RIMBP2: variants seen among roughly 807,000 people sequenced by gnomAD.
RIMBP2 encodes the protein RIMS-binding protein 2.
In RIMBP2, 48 loss-of-function variants were observed where a neutral mutation model predicts 118.6. The ratio of observed to expected loss-of-function variants is 0.40; its 90% confidence interval spans 0.32 to 0.51. RIMBP2 has a LOEUF of 0.51. RIMBP2 is among the 20% of genes least tolerant of loss of function. The pLI is 0.41. For missense variants in RIMBP2, 1,551 were observed against 1,768.3 expected, an observed-to-expected ratio of 0.88 and a Z score of 2.20; for synonymous variants, 762 against 742.9, an observed-to-expected ratio of 1.03 and a Z score of -0.42.
intron 4 of RIMBP2, among the ~76,000 whole-genome samples, chr12:130,495,787 T>C (rs552558394): frequency 9.2e-5 from 14 of 152,342 alleles, no homozygotes; most frequent in Admixed American, 6.5e-4. Context: ...GGGCACATTC[T>C]ATGCTTTGAA....
intron 4 of RIMBP2, among the ~76,000 whole-genome samples, chr12:130,497,470 C>G (rs1315625517): frequency 2.6e-5 from 4 of 152,302 alleles, no homozygotes; most frequent in Admixed American, 6.5e-5. Flanking sequence ...ATAAAAGCAG[C>G]TGTCGCTCTA....
intron 2 of RIMBP2, among the ~76,000 whole-genome samples, chr12:130,564,461 A>G (rs1333308855): frequency 1.3e-5 from 2 of 152,242 alleles, no homozygotes; most frequent in African/African-American, 4.8e-5. Flanking sequence ...GCCAGCAACA[A>G]TGGTATAACA....
chr12:130,404,516 T>C (rs1451579445), intron 21 of RIMBP2, among the ~76,000 whole-genome samples: 1 of 152,154 alleles, frequency 6.6e-6, no homozygotes, highest in Non-Finnish European at 1.5e-5. Context: ...GCCAGGCTGA[T>C]ATCGAATGCC....
chr12:130,482,090 G>A (rs545881044), intron 4 of RIMBP2, among the ~76,000 whole-genome samples: 1 of 152,120 alleles, frequency 6.6e-6, no homozygotes, highest in African/African-American at 2.4e-5. Flanking sequence ...CTCCTGAGAC[G>A]CTTTGGGAAC....
chr12:130,422,314 G>A lies in RIMBP2; in HGVS notation c.3238+139C>T, dbSNP rs2076466402. The stretch of plus-strand genomic sequence containing the variant: ...CTTTCATTTATCTTGTGCTGTTCCT[G>A]CCTTCTTTTTGCCATGAATAACAGT... On this transcript the variant is annotated intron_variant, in intron 17 of 22. Transcript: ENST00000690449. The surrounding 1 kb of genome is among the most constrained non-coding windows in gnomAD (Gnocchi z 5.2). The A allele has an allele frequency of 3.6e-6, 2 of 560,320 alleles. No individual in the cohort carries two copies. Among genetic ancestry groups the A allele is most frequent in the South Asian group, 2.7e-5 (1 of 36,502 alleles). The allele number at this position is 560,320 out of a possible 1,614,324, so 34.7% of individuals were successfully genotyped here.
intron 5 of RIMBP2, 40 bp downstream of exon 5, chr12:130,478,872 T>C: frequency 6.6e-7 from 1 of 1,507,336 alleles, no homozygotes; most frequent in Non-Finnish European, 9.2e-7. Flanking sequence ...ACCCGTGGAC[T>C]CCCTGCCTCG....
intron 2 of RIMBP2, among the ~76,000 whole-genome samples, chr12:130,531,881 A>G (rs1050130580): frequency 2.6e-5 from 4 of 151,516 alleles, no homozygotes; most frequent in African/African-American, 7.3e-5. Context: ...AGTTACGTCT[A>G]ATGAGATGCG....
At chr12:130,510,120 C>T (rs1167747893) in intron 3 of RIMBP2, among the ~76,000 whole-genome samples, 2 of 152,224 alleles carry the variant, frequency 1.3e-5, no homozygotes, top group South Asian at 2.1e-4. Context: ...GACAGGCTGC[C>T]GTTCCAGTGT....
At chr12:130,439,481 G>C (rs1322761323) in intron 11 of RIMBP2, among the ~76,000 whole-genome samples, 1 of 149,032 alleles carries the variant, frequency 6.7e-6, no homozygotes, top group Non-Finnish European at 1.5e-5. Context: ...TTGTGTATGT[G>C]TGTGTATGTG....
intron 6 of RIMBP2, among the ~76,000 whole-genome samples, chr12:130,467,672 G>C (rs2080612200): frequency 1.3e-5 from 2 of 152,204 alleles, no homozygotes; most frequent in African/African-American, 4.8e-5. Flanking sequence ...AACGGGCAAG[G>C]TGAACCCACT....
rs906446306 is a variant in RIMBP2, at chr12:130,620,704, C to T, written c.-217+7618G>A. On this transcript the variant is annotated intron_variant, in intron 2 of 22. Coordinates refer to ENST00000690449, the MANE Select transcript of RIMBP2 (RefSeq NM_001393629.1). The surrounding 1 kb of genome is among the most constrained non-coding windows in gnomAD (Gnocchi z 5.3). ...CCTGCCAATGTTCTCTGCATCCAATCCCCCTCTCTGTAAGGACACCAGTCA... is the reference window on the plus strand; with the variant it reads ...CCTGCCAATGTTCTCTGCATCCAATTCCCCTCTCTGTAAGGACACCAGTCA... Among the ~76,000 whole-genome samples, 1 of 152,186 alleles carries T rather than the reference C, an allele frequency of 6.6e-6. No homozygotes were observed. The highest frequency in any genetic ancestry group is 6.5e-5 in the Admixed American group (1 of 15,278).
chr12:130,608,807 C>T (rs1271667854), intron 2 of RIMBP2, among the ~76,000 whole-genome samples: 1 of 151,746 alleles, frequency 6.6e-6, no homozygotes, highest in Non-Finnish European at 1.5e-5. Flanking sequence ...AACTTAATAC[C>T]CACTCTCTTA....
At position 130,447,624 on chromosome 12, in the gene RIMBP2, C is replaced by G. The variant is rs924900657; in HGVS notation, c.582-2355G>C. Among the ~76,000 whole-genome samples the G allele has an allele frequency of 6.6e-6, 1 of 152,166 alleles. No individual in the cohort carries two copies. Among genetic ancestry groups the G allele is most frequent in the African/African-American group, 2.4e-5 (1 of 41,428 alleles). Reference sequence around the variant, plus strand: ...CATGTGGCCGTGGCATCTGTGAGCACAGCAGTGGCCCTGGGCGGCACACTG... The same window carrying G: ...CATGTGGCCGTGGCATCTGTGAGCAGAGCAGTGGCCCTGGGCGGCACACTG... On this transcript the variant is annotated intron_variant, in intron 9 of 22. Transcript: ENST00000690449. The surrounding 1 kb of genome is among the most constrained non-coding windows in gnomAD (Gnocchi z 4.4).
In RIMBP2 at chr12:130,431,942, C is replaced by G. The variant is rs562633147; in HGVS notation, c.2253+2792G>C. The G allele has an allele frequency of 3.3e-4, 56 of 167,702 alleles. 1 individual carries two copies. In the South Asian group the frequency reaches 7.7e-3, roughly 23 times the overall value. 10.4% of individuals were successfully genotyped at this position (167,702 alleles called of 1,614,324 possible). A position where few individuals can be genotyped will look rare whatever the true frequency, so the allele number is the denominator to read the frequency against. On this transcript the variant is annotated intron_variant, in intron 14 of 22. Transcript: ENST00000690449. The surrounding 1 kb of genome is among the most constrained non-coding windows in gnomAD (Gnocchi z 4.0). ...TAAACTAATTAGAATGTAAACTAATCTGGAACTAATTTTATAGAAGTAAAA... is the reference window on the plus strand; with the variant it reads ...TAAACTAATTAGAATGTAAACTAATGTGGAACTAATTTTATAGAAGTAAAA...
Position 130,517,824 on chromosome 12 carries a change from C to T in RIMBP2, c.-127+4G>A. 1 of 984,384 alleles carries T rather than the reference C, an allele frequency of 1.0e-6. No homozygotes were observed. The highest frequency in any genetic ancestry group is 1.2e-6 in the Non-Finnish European group (1 of 828,606). The allele number at this position is 984,384 out of a possible 1,614,324, so 61.0% of individuals were successfully genotyped here. On this transcript the variant is annotated splice_donor_region_variant and intron_variant, in intron 3 of 22. Coordinates refer to ENST00000690449, the MANE Select transcript of RIMBP2 (RefSeq NM_001393629.1). ...GATGGTCTGTGGACAGTGGTATCAG[C>T]TACCTTGTCATGCTGCCGGGCCCTT...
In RIMBP2 at chr12:130,517,823, G is replaced by T. The variant is rs889005463; in HGVS notation, c.-127+5C>A. The T allele has an allele frequency of 8.1e-6, 8 of 983,796 alleles. No individual in the cohort carries two copies. Among genetic ancestry groups the T allele is most frequent in the Non-Finnish European group, 9.7e-6 (8 of 828,070 alleles). The allele number at this position is 983,796 out of a possible 1,614,324, so 60.9% of individuals were successfully genotyped here. A position where few individuals can be genotyped will look rare whatever the true frequency, so the allele number is the denominator to read the frequency against. ...AGATGGTCTGTGGACAGTGGTATCA[G>T]CTACCTTGTCATGCTGCCGGGCCCT... On this transcript the variant is annotated splice_donor_5th_base_variant and intron_variant, in intron 3 of 22. Coordinates refer to ENST00000690449, the MANE Select transcript of RIMBP2 (RefSeq NM_001393629.1).
Position 130,441,857 on chromosome 12 carries a change from A to T in RIMBP2, c.1495T>A (p.Leu499Met). ...KKEAFVEFST[L>M]PAGPPAPPQD... ...AGGACACAGGGCTCACCTGCAGGCAACGTGGAGAACTCCACAAAGGCCTCC... is the reference window on the plus strand; with the variant it reads ...AGGACACAGGGCTCACCTGCAGGCATCGTGGAGAACTCCACAAAGGCCTCC... The change falls in exon 11 of 23, where the codon TTG (leucine) becomes ATG (methionine). Residue 499 changes from leucine to methionine, a missense_variant. This residue lies in a region of RIMBP2 where 1,038 missense variants were observed against 1,125.1 expected (regional missense o/e 0.92). Transcript: ENST00000690449. 1 of 1,613,420 alleles carries T rather than the reference A, an allele frequency of 6.2e-7. No homozygotes were observed. Among genetic ancestry groups the T allele is most frequent in the South Asian group, 1.1e-5 (1 of 91,062 alleles).
rs114293541 is a variant in RIMBP2 at position 130,596,809 on chromosome 12, G to A, written c.-217+31513C>T. Among the ~76,000 whole-genome samples, 495 of 152,220 alleles carry A rather than the reference G, an allele frequency of 3.3e-3. 2 individuals are homozygous for A. The highest frequency in any genetic ancestry group is 0.011 in the African/African-American group (476 of 41,532). ...CAGATTTTTCAAAGATAACCAAACC[G>A]TATATCTGAACTAAGTATTTCTACA... is the stretch of plus-strand genomic sequence containing the variant. On this transcript the variant is annotated intron_variant, in intron 2 of 22. Transcript: ENST00000690449.
At chr12:130,416,854 C>T (rs1315394270) in intron 17 of RIMBP2, among the ~76,000 whole-genome samples, 2 of 151,920 alleles carry the variant, frequency 1.3e-5, no homozygotes, top group East Asian at 1.9e-4. Flanking sequence ...CTGCAAGGAA[C>T]TTAAATCAAC....
Sources: gnomAD v4.1 joint callset for allele counts (sites outside exome capture counted in the v4.1 genomes callset) on GRCh38, gnomAD v4.1.1 for gene constraint, gnomAD v4.1.1 regional missense constraint, Gnocchi (gnomAD v3.1) non-coding constraint, MANE v1.5 for transcripts, NCBI Gene and HGNC (gene_info 2026-07-23, HGNC 2026-07-21) for gene names.